The following GRM7 variants were observed in gnomAD, a reference collection of about 807,000 sequenced individuals.
The protein encoded by GRM7 is metabotropic glutamate receptor 7.
In GRM7, 35 loss-of-function variants were observed where a neutral mutation model predicts 84.5. The ratio of observed to expected loss-of-function variants is 0.41; its 90% CI spans 0.32 to 0.55. GRM7 has a LOEUF of 0.55. GRM7 is among the 20% of genes least tolerant of loss of function. GRM7 has a pLI of 0.19. For missense variants in GRM7, 1,003 were observed against 1,194.6 expected (o/e 0.84, Z 2.36); for synonymous variants, 487 against 455.1 (o/e 1.07, Z -0.89).
At chr3:7,016,172 C>T (rs1362767248) in intron 1 of GRM7, among the ~76,000 whole-genome samples, 2 of 152,128 alleles carry the variant, frequency 1.3e-5, no homozygotes, top group East Asian at 3.9e-4. Flanking sequence ...AATGCATGGC[C>T]TTAGGTAAAT....
At position 7,463,167 on chromosome 3, in the gene GRM7, T is replaced by C. The variant is rs115502529; in HGVS notation, c.1515+1445T>C. On this transcript the variant is annotated intron_variant, in intron 7 of 9. Transcript: ENST00000357716. The stretch of plus-strand genomic sequence containing the variant: ...ACATAGGTGAAGTGCTCAGGGCTTA[T>C]TGTAAGATCCAGTGGATTAAATAGG... Among the ~76,000 whole-genome samples the C allele has an allele frequency of 5.3e-3, 809 of 152,264 alleles. 11 individuals carry two copies. The highest frequency in any genetic ancestry group is 0.018 in the African/African-American group (754 of 41,560).
intron 1 of GRM7, among the ~76,000 whole-genome samples, chr3:6,950,754 G>A (rs1015286058): frequency 1.3e-5 from 2 of 152,206 alleles, no homozygotes; most frequent in African/African-American, 4.8e-5. Context: ...CCTGAGCAAT[G>A]GCAGGCGCCC....
At chr3:7,711,741 C>T (rs927842793) in intron 9 of GRM7, among the ~76,000 whole-genome samples, 9 of 152,144 alleles carry the variant, frequency 5.9e-5, no homozygotes, top group East Asian at 3.9e-4. Context: ...GTTACACACG[C>T]GGCACCATTG....
chr3:7,730,433 GA>G (rs1222721077), intron 9 of GRM7, among the ~76,000 whole-genome samples: 2 of 152,204 alleles, frequency 1.3e-5, no homozygotes, highest in Non-Finnish European at 2.9e-5. Context: ...AACAGTATCT[GA>G]CAAATAGTAG....
chr3:7,344,691 T>A (rs991100381), intron 4 of GRM7, among the ~76,000 whole-genome samples: 2 of 152,154 alleles, frequency 1.3e-5, no homozygotes, highest in Non-Finnish European at 2.9e-5. Flanking sequence ...AAATATCACA[T>A]GTTCTCACTC....
chr3:7,130,014 T>C (rs1177649338), intron 1 of GRM7, among the ~76,000 whole-genome samples: 2 of 152,204 alleles, frequency 1.3e-5, no homozygotes, highest in African/African-American at 4.8e-5. Context: ...GTGATTCGAA[T>C]TGTTTCTCAT....
chr3:6,945,768 G>A (rs1698054823), intron 1 of GRM7, among the ~76,000 whole-genome samples: 2 of 152,216 alleles, frequency 1.3e-5, no homozygotes, highest in African/African-American at 2.4e-5. Context: ...ACCGGTGTGA[G>A]ATGGTACCTC....
At chr3:7,593,419 C>G (rs936604943) in intron 8 of GRM7, among the ~76,000 whole-genome samples, 2 of 152,042 alleles carry the variant, frequency 1.3e-5, no homozygotes, top group Non-Finnish European at 1.5e-5. Context: ...AATTCGTTGC[C>G]CTCATGGAAA....
At position 7,151,763 on chromosome 3, in the gene GRM7, C is replaced by T. The variant is rs1257992965; in HGVS notation, c.736+5095C>T. Among the ~76,000 whole-genome samples the T allele has an allele frequency of 1.3e-5, 2 of 152,112 alleles. No homozygotes were observed. The highest frequency in any genetic ancestry group is 1.9e-4 in the East Asian group (1 of 5,166). On this transcript the variant is annotated intron_variant, in intron 2 of 9. Transcript: ENST00000357716. This position sits in a 1 kb window ranked among gnomAD's most constrained non-coding sequence, Gnocchi z 4.5. ...AATTTTGCTAGAAGGCCATAAAATA[C>T]TACATCCTAGATCTGCTTGCTGTGG... is the stretch of plus-strand genomic sequence containing the variant.
At chr3:7,658,237 A>T (rs192235581) in intron 8 of GRM7, among the ~76,000 whole-genome samples, 70 of 152,340 alleles carry the variant, frequency 4.6e-4, no homozygotes, top group Admixed American at 6.5e-4. Flanking sequence ...CAAATTCAAT[A>T]CACTGCTAAT....
intron 4 of GRM7, among the ~76,000 whole-genome samples, chr3:7,354,454 C>G (rs1283407552): frequency 6.6e-6 from 1 of 152,048 alleles, no homozygotes; most frequent in African/African-American, 2.4e-5. Context: ...TGGCAAAATC[C>G]CCACATTGGT....
intron 1 of GRM7, among the ~76,000 whole-genome samples, chr3:7,145,223 C>T (rs1694071458): frequency 1.3e-5 from 2 of 152,202 alleles, no homozygotes; most frequent in South Asian, 4.2e-4. Flanking sequence ...GGCCTTTGGA[C>T]ACCCGAGAAA....
chr3:6,963,521 G>A (rs560327206), intron 1 of GRM7, among the ~76,000 whole-genome samples: 5 of 152,198 alleles, frequency 3.3e-5, no homozygotes, highest in African/African-American at 7.2e-5. Context: ...GCAACTTTGG[G>A]GGCTGAAACA....
intron 9 of GRM7, among the ~76,000 whole-genome samples, chr3:7,720,072 C>T (rs553895462): frequency 2.1e-4 from 32 of 152,230 alleles, no homozygotes; most frequent in African/African-American, 7.5e-4. Context: ...TACAGCATCA[C>T]ACTGGATCCT....
chr3:6,945,438 A>G (rs1259850812), intron 1 of GRM7, among the ~76,000 whole-genome samples: 3 of 152,172 alleles, frequency 2.0e-5, no homozygotes, highest in Non-Finnish European at 2.9e-5. Flanking sequence ...TATATGTGCC[A>G]CATTTTCTTA....
At chr3:7,119,234 T>C (rs1693140156) in intron 1 of GRM7, among the ~76,000 whole-genome samples, 1 of 152,164 alleles carries the variant, frequency 6.6e-6, no homozygotes, top group Non-Finnish European at 1.5e-5. Context: ...TCCCATATGA[T>C]ACATTCACAT....
At chr3:7,248,971 A>G (rs997651796) in intron 2 of GRM7, among the ~76,000 whole-genome samples, 6 of 152,260 alleles carry the variant, frequency 3.9e-5, no homozygotes, top group African/African-American at 1.2e-4. Flanking sequence ...AAAATCCAGG[A>G]GAAAATAAAT....
chr3:7,162,054 T>G (rs1694641924), intron 2 of GRM7, among the ~76,000 whole-genome samples: 1 of 152,148 alleles, frequency 6.6e-6, no homozygotes, highest in Non-Finnish European at 1.5e-5. Flanking sequence ...ACTAATTGGA[T>G]GGTGATGGTT....
chr3:7,320,668 T>A (rs2125052488), intron 4 of GRM7, among the ~76,000 whole-genome samples: 1 of 140,730 alleles, frequency 7.1e-6, no homozygotes, highest in South Asian at 2.3e-4. Flanking sequence ...CTGAACACCA[T>A]CAGTGGGTGA....
Sources: gnomAD v4.1 joint callset for allele counts (sites outside exome capture counted in the v4.1 genomes callset) on GRCh38, gnomAD v4.1.1 for gene constraint, Gnocchi (gnomAD v3.1) non-coding constraint, MANE v1.5 for transcripts, NCBI Gene and HGNC (gene_info 2026-07-23, HGNC 2026-07-21) for gene names.